ZRANB3: variants seen among roughly 807,000 people sequenced by gnomAD.
ZRANB3 encodes zinc finger RANBP2-type containing 3.
A neutral mutation model predicts 133.8 loss-of-function variants in ZRANB3; 125 were observed. That is an observed-to-expected ratio of 0.93 (90% CI 0.81 to 1.08). The LOEUF (loss-of-function observed/expected upper bound fraction) is 1.08. Ranked by LOEUF, ZRANB3 falls within the 50% of genes least tolerant of loss-of-function variation. ZRANB3 has a pLI of 0.00. For missense variants in ZRANB3, 1,229 were observed against 1,275.5 expected (o/e 0.96, Z 0.56); for synonymous variants, 387 against 432.7 (o/e 0.89, Z 1.31).
intron 2 of ZRANB3, among the ~76,000 whole-genome samples, chr2:135,480,267 C>G (rs1222552459): frequency 2.6e-5 from 4 of 152,042 alleles, no homozygotes; most frequent in Admixed American, 2.6e-4. Flanking sequence ...ATTACCCTTA[C>G]CCTGTTAGGC....
intron 9 of ZRANB3, among the ~76,000 whole-genome samples, chr2:135,275,303 C>A (rs182820244): frequency 6.8e-6 from 1 of 147,128 alleles, no homozygotes; most frequent in East Asian, 1.9e-4. Flanking sequence ...GGGGGCTGCC[C>A]CCCACCTCCC....
At chr2:135,226,342 G>T (rs114946206) in intron 14 of ZRANB3, among the ~76,000 whole-genome samples, 1 of 152,132 alleles carries the variant, frequency 6.6e-6, no homozygotes, top group Non-Finnish European at 1.5e-5. Flanking sequence ...GTACCACTCT[G>T]GTTCTAAAAG....
intron 3 of ZRANB3, among the ~76,000 whole-genome samples, chr2:135,376,384 C>A (rs1188123433): frequency 1.3e-5 from 2 of 152,182 alleles, no homozygotes; most frequent in East Asian, 1.9e-4. Context: ...GACACAAAAA[C>A]CTACATGTGA....
Position 135,353,639 on chromosome 2 carries a change from A to C in ZRANB3, c.181-11T>G. ...CTTTCCTAGACCCATCTAAATTAAA[A>C]AATAAATAAATGTTAATAATAGAGC... On this transcript the variant is annotated splice_polypyrimidine_tract_variant and intron_variant, in intron 3 of 20. Coordinates refer to ENST00000264159, the MANE Select transcript of ZRANB3 (RefSeq NM_032143.4). 7.1e-7 allele frequency: 1 copy of C among 1,409,864 alleles called. No individual in the cohort carries two copies. The highest frequency in any genetic ancestry group is 9.3e-7 in the Non-Finnish European group (1 of 1,071,034). 87.3% of individuals were successfully genotyped at this position (1,409,864 alleles called of 1,614,324 possible).
intron 3 of ZRANB3, among the ~76,000 whole-genome samples, chr2:135,374,660 C>T (rs545382701): frequency 1.0e-3 from 153 of 152,138 alleles, no homozygotes; most frequent in Non-Finnish European, 2.0e-3. Context: ...TCCCACCACA[C>T]CTGCCTAATT....
chr2:135,510,712 T>A, intron 1 of ZRANB3: 1 of 799,044 alleles, frequency 1.3e-6, no homozygotes, highest in Non-Finnish European at 2.3e-6. Flanking sequence ...AGTCTTCTTC[T>A]CTTCCACATT....
chr2:135,432,912 G>C (rs1464880019), intron 2 of ZRANB3, among the ~76,000 whole-genome samples: 1 of 152,178 alleles, frequency 6.6e-6, no homozygotes, highest in Non-Finnish European at 1.5e-5. Context: ...ACTTCAAATA[G>C]TCATGGCTAT....
intron 6 of ZRANB3, among the ~76,000 whole-genome samples, chr2:135,331,901 G>A (rs983014384): frequency 1.3e-5 from 2 of 151,860 alleles, no homozygotes; most frequent in Non-Finnish European, 2.9e-5. Context: ...TTTTTTCTAT[G>A]TGTGGTTTGT....
chr2:135,419,951 C>T (rs1314120343), intron 2 of ZRANB3, among the ~76,000 whole-genome samples: 8 of 151,200 alleles, frequency 5.3e-5, no homozygotes, highest in African/African-American at 1.9e-4. Flanking sequence ...GTTTTTAACA[C>T]AATAGAATTT....
chr2:135,226,131 A>C (rs766154854), intron 14 of ZRANB3, among the ~76,000 whole-genome samples: 15 of 152,224 alleles, frequency 9.9e-5, no homozygotes, highest in Non-Finnish European at 1.6e-4. Context: ...ATTCTTTGAT[A>C]AAAATAACTG....
chr2:135,443,711 G>C (rs900187889), intron 2 of ZRANB3, among the ~76,000 whole-genome samples: 1 of 151,952 alleles, frequency 6.6e-6, no homozygotes, highest in African/African-American at 2.4e-5. Context: ...ACAAAATACT[G>C]ATCAGTACTT....
intron 1 of ZRANB3, among the ~76,000 whole-genome samples, chr2:135,518,191 C>T (rs756043917): frequency 1.5e-4 from 23 of 152,112 alleles, no homozygotes; most frequent in Non-Finnish European, 2.6e-4. Flanking sequence ...ACTTAGCTTG[C>T]TGGGCTCCAT....
chr2:135,396,934 C>T (rs901839640), intron 2 of ZRANB3, among the ~76,000 whole-genome samples: 2 of 151,266 alleles, frequency 1.3e-5, no homozygotes, highest in Non-Finnish European at 2.9e-5. Context: ...TACTCTGTAC[C>T]CACAAAAACA....
Position 135,526,937 on chromosome 2 carries a change from G to A in ZRANB3, c.-8+4190C>T, listed in dbSNP as rs181743547. ...GGTCTTCAAACAACCTCAACCAATT[G>A]TCAACCAGAAAATGTTTAAATTTAC... On this transcript the variant is annotated intron_variant, in intron 1 of 20. Transcript: ENST00000264159. Among the ~76,000 whole-genome samples, 3 of 152,222 alleles carry A rather than the reference G, an allele frequency of 2.0e-5. 1 individual carries two copies. The highest frequency in any genetic ancestry group is 2.0e-4 in the Admixed American group (3 of 15,294).
At chr2:135,315,678 A>G in intron 6 of ZRANB3, 148 bp from the exon 7 acceptor site, 2 of 636,170 alleles carry the variant, frequency 3.1e-6, no homozygotes, top group Non-Finnish European at 4.9e-6. Context: ...CAAAAAGCTC[A>G]GCCTGAAAAA....
At chr2:135,411,598 G>A (rs963753866) in intron 2 of ZRANB3, among the ~76,000 whole-genome samples, 1 of 152,038 alleles carries the variant, frequency 6.6e-6, no homozygotes, top group Non-Finnish European at 1.5e-5. Context: ...AGAACAAAAC[G>A]ATGTCCTTTG....
chr2:135,499,551 A>C (rs904485456), intron 2 of ZRANB3, among the ~76,000 whole-genome samples: 4 of 152,190 alleles, frequency 2.6e-5, no homozygotes, highest in African/African-American at 9.6e-5. Context: ...TAAGAAATGA[A>C]CAGGCATTTA....
At position 135,207,695 on chromosome 2, in the gene ZRANB3, C is replaced by G; in HGVS notation, c.2748G>C (p.Gln916His). The change falls in exon 19 of 21, where the codon CAG becomes CAC. Residue 916 changes from glutamine to histidine, a missense_variant. Gln to His is a conservative substitution (Grantham distance 24, BLOSUM62 0). Coordinates refer to ENST00000264159, the MANE Select transcript of ZRANB3 (RefSeq NM_032143.4). ...NEGNPLCLRC[Q>H]QPTCQTKQAC... ...CTTGCTTAGTCTGGCAAGTGGGTTG[C>G]TGACAGCGAAGGCAAAGTGGATTTC... 1 of 1,613,982 alleles carries G rather than the reference C, an allele frequency of 6.2e-7. No individual in the cohort carries two copies. The highest frequency in any genetic ancestry group is 8.5e-7 in the Non-Finnish European group (1 of 1,179,896).
chr2:135,509,978 T>C (rs1350541998), intron 1 of ZRANB3, among the ~76,000 whole-genome samples: 3 of 152,198 alleles, frequency 2.0e-5, no homozygotes, highest in African/African-American at 4.8e-5. Context: ...AAAAATTCTA[T>C]TCTTTTTATT....
Sources: gnomAD v4.1 joint callset for allele counts (sites outside exome capture counted in the v4.1 genomes callset) on GRCh38, gnomAD v4.1.1 for gene constraint, MANE v1.5 for transcripts, NCBI Gene and HGNC (gene_info 2026-07-23, HGNC 2026-07-21) for gene names.